The following ABCC1 variants were observed in gnomAD, a reference collection of about 807,000 sequenced individuals.
ABCC1 encodes the protein ATP binding cassette subfamily C member 1 (ABCC1 blood group), also known as multidrug resistance-associated protein 1.
ABCC1 carries 83 observed loss-of-function variants against 172.9 expected under a neutral mutation model. The ratio of observed to expected loss-of-function variants is 0.48; its 90% CI spans 0.40 to 0.58. The LOEUF is 0.58. Ranked by LOEUF, ABCC1 falls within the 20% of genes least tolerant of loss-of-function variation. ABCC1 has a pLI of 0.00. For missense variants in ABCC1, 1,817 were observed against 2,002.7 expected (o/e 0.91, Z 1.77); for synonymous variants, 937 against 825.2 (o/e 1.14, Z -2.32).
chr16:16,019,180 C>T (rs1224091808), intron 5 of ABCC1, among the ~76,000 whole-genome samples: 1 of 152,106 alleles, frequency 6.6e-6, no homozygotes, highest in Non-Finnish European at 1.5e-5. Flanking sequence ...TCTCGGCCCA[C>T]TGCAACCCCG....
chr16:16,055,207 A>G (rs971810597), intron 11 of ABCC1, among the ~76,000 whole-genome samples: 21 of 150,412 alleles, frequency 1.4e-4, no homozygotes, highest in African/African-American at 5.2e-4. Context: ...TCCAGCCTGG[A>G]TGCCAGAGTG....
chr16:16,137,532 A>G (rs1172485859), intron 29 of ABCC1, among the ~76,000 whole-genome samples: 1 of 135,186 alleles, frequency 7.4e-6, no homozygotes, highest in Non-Finnish European at 1.6e-5. Context: ...TAAGGGATGC[A>G]TGGGTATGAG....
chr16:16,019,683 G>A (rs942885423), intron 5 of ABCC1, among the ~76,000 whole-genome samples: 2 of 152,146 alleles, frequency 1.3e-5, no homozygotes, highest in African/African-American at 4.8e-5. Flanking sequence ...GTGTGTACCA[G>A]GGTGACTCAC....
intron 1 of ABCC1, among the ~76,000 whole-genome samples, chr16:16,004,326 G>T (rs142984291): frequency 1.3e-5 from 2 of 152,244 alleles, no homozygotes; most frequent in African/African-American, 4.8e-5. Context: ...AACTGCATAT[G>T]TCAAGTCTTG....
chr16:16,090,053 C>A (rs1404693243), intron 18 of ABCC1, among the ~76,000 whole-genome samples: 1 of 152,220 alleles, frequency 6.6e-6, no homozygotes, highest in Non-Finnish European at 1.5e-5. Context: ...ACTTGGTACA[C>A]CCGTTCCCCT....
Position 16,036,465 on chromosome 16 carries a change from G to T in ABCC1, c.678-7G>T, listed in dbSNP as rs776023559. 9.3e-6 allele frequency: 15 copies of T among 1,611,598 alleles called. No homozygotes were observed. Among genetic ancestry groups the T allele is most frequent in the African/African-American group, 2.7e-5 (2 of 74,814 alleles). The stretch of plus-strand genomic sequence containing the variant: ...CATTGCCTAACCCCCTTGTGTCTTG[G>T]CCCCAGGTTGATTGTCCGGGGCTAC... On this transcript the variant is annotated splice_region_variant and splice_polypyrimidine_tract_variant and intron_variant, in intron 6 of 30. Transcript: ENST00000399410.
Position 16,014,575 on chromosome 16 carries a change from C to T in ABCC1, c.436C>T (p.Leu146=). The T allele has an allele frequency of 3.7e-6, 6 of 1,614,062 alleles. No individual in the cohort carries two copies. Among genetic ancestry groups the T allele is most frequent in the Non-Finnish European group, 5.1e-6 (6 of 1,179,984 alleles). The change falls in exon 4 of 31, where the codon CTA becomes TTA. Residue 146 remains leucine (L), a synonymous_variant. Coordinates refer to ENST00000399410, the MANE Select transcript of ABCC1 (RefSeq NM_004996.4). ...GIMLTFWLVA[L]VCALAILRSK... is the part of the protein sequence containing the mutation. ...CATGCTCACTTTCTGGCTGGTAGCCCTAGTGTGTGCCCTAGCCATCCTGAG... is the reference window on the plus strand; with the variant it reads ...CATGCTCACTTTCTGGCTGGTAGCCTTAGTGTGTGCCCTAGCCATCCTGAG...
chr16:16,131,664 C>G, intron 26 of ABCC1, 125 bp from the exon 27 acceptor site: 1 of 1,046,040 alleles, frequency 9.6e-7, no homozygotes, highest in Non-Finnish European at 1.4e-6. Context: ...AAGGGCAACC[C>G]CCCAGTGCTG....
intron 2 of ABCC1, among the ~76,000 whole-genome samples, chr16:16,008,943 TTTG>T (rs1555481063): frequency 1.4e-5 from 2 of 145,810 alleles, no homozygotes; most frequent in African/African-American, 2.5e-5. Context: ...TTTTTTTTTT[TTTG>T]TTGTTGTTTT....
At chr16:16,020,336 ACT>A (rs1441635409) in intron 5 of ABCC1, among the ~76,000 whole-genome samples, 1 of 151,838 alleles carries the variant, frequency 6.6e-6, no homozygotes, top group African/African-American at 2.4e-5. Flanking sequence ...ATTGGCTGAC[ACT>A]CTCTGTCCAG....
chr16:16,029,877 A>C (rs1009378972), intron 5 of ABCC1, among the ~76,000 whole-genome samples: 1 of 152,194 alleles, frequency 6.6e-6, no homozygotes, highest in African/African-American at 2.4e-5. Context: ...TGTGACTGTA[A>C]TACTAACTTT....
chr16:16,126,725 A>C (rs771957947), intron 26 of ABCC1, among the ~76,000 whole-genome samples: 1 of 152,196 alleles, frequency 6.6e-6, no homozygotes, highest in Non-Finnish European at 1.5e-5. Flanking sequence ...ACGGAAAATA[A>C]TACTACTTTT....
chr16:16,120,391 C>A (rs963986792), intron 23 of ABCC1, among the ~76,000 whole-genome samples: 1 of 152,196 alleles, frequency 6.6e-6, no homozygotes, highest in Non-Finnish European at 1.5e-5. Context: ...AGCCTCTGAT[C>A]CACAGCTCCA....
intron 28 of ABCC1, 114 bp downstream of exon 28, chr16:16,134,622 G>A (rs970849189): frequency 4.7e-5 from 27 of 574,766 alleles, no homozygotes; most frequent in East Asian, 7.8e-5. Context: ...CTACTTCATC[G>A]TTCTTTTTTT....
In ABCC1 at chr16:16,131,808, A is replaced by G. The variant is rs774816195; in HGVS notation, c.3839A>G (p.Glu1280Gly). 3 of 1,613,820 alleles carry G rather than the reference A, an allele frequency of 1.9e-6. No individual in the cohort carries two copies. The East Asian group carries it at 6.7e-5, about 36-fold the overall frequency. ...TCGAAGGCGCCCTGGCAAATCCAGG[A>G]GACAGCTCCGCCCAGCAGCTGGCCC... ...TEKEAPWQIQ[E>G]TAPPSSWPQV... Residue 1280 changes from glutamate to glycine, a missense_variant, in exon 27 of 31, where the codon GAG (glutamate) becomes GGG (glycine). Physicochemically the swap from Glu to Gly is moderately conservative, Grantham distance 98. Transcript: ENST00000399410.
At chr16:16,102,208 T>C (rs1424900649) in intron 19 of ABCC1, among the ~76,000 whole-genome samples, 1 of 149,600 alleles carries the variant, frequency 6.7e-6, no homozygotes, top group Non-Finnish European at 1.5e-5. Context: ...ATTTTGAATA[T>C]CACTTCTTCT....
chr16:15,954,426 G>T (rs1198155313), intron 1 of ABCC1, among the ~76,000 whole-genome samples: 2 of 152,082 alleles, frequency 1.3e-5, no homozygotes, highest in African/African-American at 4.8e-5. Flanking sequence ...ATCTTGGGGG[G>T]CCCTCCTCTC....
At chr16:16,068,503 C>T (rs1018547059) in intron 13 of ABCC1, among the ~76,000 whole-genome samples, 2 of 152,228 alleles carry the variant, frequency 1.3e-5, no homozygotes, top group Non-Finnish European at 2.9e-5. Context: ...AGAACTCGCA[C>T]TTGAGTATAT....
Position 16,111,300 on chromosome 16 carries a change from C to T in ABCC1, c.2872-75C>T, listed in dbSNP as rs1596520410. 2.4e-5 allele frequency: 31 copies of T among 1,307,282 alleles called. No individual in the cohort carries two copies. In the East Asian group the frequency reaches 7.2e-4, roughly 30 times the overall value. 81.0% of individuals were successfully genotyped at this position (1,307,282 alleles called of 1,614,324 possible). ...CTGGGTGGCACAGTGCTGGTGAAGC[C>T]CCCGACCTTGTGGGGCTGGGGCTGG... On this transcript the variant is annotated intron_variant, in intron 21 of 30. Transcript: ENST00000399410.
Sources: allele counts gnomAD v4.1 joint callset (sites outside exome capture counted in the v4.1 genomes callset), GRCh38; gene constraint gnomAD v4.1.1; transcripts MANE v1.5; gene names NCBI Gene and HGNC (gene_info 2026-07-23, HGNC 2026-07-21).